Variants in TSPAN2 observed in about 807,000 individuals in gnomAD.
TSPAN2 encodes tetraspanin 2, also known as tetraspanin-2.
Under a neutral mutation model 33.3 loss-of-function variants are expected in TSPAN2, and 24 were observed. That is an observed-to-expected ratio of 0.72 (90% confidence interval 0.52 to 1.01). The LOEUF is 1.01. TSPAN2 is among the 50% of genes least tolerant of loss of function. TSPAN2 has a pLI of 0.00. For missense variants in TSPAN2, 278 were observed against 281.3 expected (o/e 0.99, Z 0.08); for synonymous variants, 114 against 104.5 (o/e 1.09, Z -0.56).
intron 5 of TSPAN2, among the ~76,000 whole-genome samples, chr1:115,057,851 C>A (rs958140590): frequency 6.6e-6 from 1 of 152,228 alleles, no homozygotes; most frequent in African/African-American, 2.4e-5. Context: ...GCAACCCAAA[C>A]AAGGCAAGAA....
At chr1:115,078,115 T>C (rs1459915155) in intron 1 of TSPAN2, among the ~76,000 whole-genome samples, 1 of 152,196 alleles carries the variant, frequency 6.6e-6, no homozygotes, top group Non-Finnish European at 1.5e-5. Flanking sequence ...CCTGTGGAGG[T>C]CTCTGTTCTT....
At chr1:115,052,309 C>A (rs541649616) in intron 7 of TSPAN2, among the ~76,000 whole-genome samples, 1 of 152,334 alleles carries the variant, frequency 6.6e-6, no homozygotes, top group East Asian at 1.9e-4. Flanking sequence ...GATTTCCTCA[C>A]AATTCCCACA....
At chr1:115,080,648 T>C (rs899168448) in intron 1 of TSPAN2, among the ~76,000 whole-genome samples, 2 of 152,232 alleles carry the variant, frequency 1.3e-5, no homozygotes, top group Admixed American at 6.5e-5. Context: ...AGGGAGCAGA[T>C]GGCTTTCTCA....
At chr1:115,070,575 G>C (rs764911167) in intron 2 of TSPAN2, among the ~76,000 whole-genome samples, 1 of 150,738 alleles carries the variant, frequency 6.6e-6, no homozygotes, top group Non-Finnish European at 1.5e-5. Flanking sequence ...TGCCCACCAT[G>C]CCCTAGTCCT....
At chr1:115,058,835 C>G (rs916983506) in intron 5 of TSPAN2, 48 bp downstream of exon 5, 2 of 1,453,314 alleles carry the variant, frequency 1.4e-6, no homozygotes, top group Non-Finnish European at 1.9e-6. Flanking sequence ...CTGGCTCACA[C>G]ATAATCTTTA....
chr1:115,054,945 C>G (rs1015723319), intron 6 of TSPAN2, among the ~76,000 whole-genome samples: 1 of 152,044 alleles, frequency 6.6e-6, no homozygotes, highest in Non-Finnish European at 1.5e-5. Flanking sequence ...CGAGATCATG[C>G]CACTACACTC....
intron 1 of TSPAN2, among the ~76,000 whole-genome samples, chr1:115,086,251 A>T (rs1266298146): frequency 6.6e-6 from 1 of 152,252 alleles, no homozygotes; most frequent in South Asian, 2.1e-4. Context: ...TTACTCCAAT[A>T]GCACAGATGA....
At position 115,053,407 on chromosome 1, in the gene TSPAN2, A is replaced by G; in HGVS notation, c.572T>C (p.Ile191Thr). ...CAGACCTGCAATTCCAATACCGACA[A>G]TTCCAATGAGCTGGAGCTTAACACT... is the stretch of plus-strand genomic sequence containing the variant. ...IISVKLQLIGIVGIGIAGLTI... is the reference protein window; with the variant it reads ...IISVKLQLIGTVGIGIAGLTI... The change falls in exon 7 of 8, where the codon ATT (isoleucine) becomes ACT (threonine). Residue 191 changes from isoleucine to threonine, a missense_variant. Ile to Thr is a moderately conservative substitution (Grantham distance 89). Coordinates refer to ENST00000369516, the MANE Select transcript of TSPAN2 (RefSeq NM_005725.6). 6.2e-7 allele frequency: 1 copy of G among 1,614,002 alleles called. No homozygotes were observed. Among genetic ancestry groups the G allele is most frequent in the Non-Finnish European group, 8.5e-7 (1 of 1,179,914 alleles).
chr1:115,083,981 T>A (rs1181182589), intron 1 of TSPAN2, among the ~76,000 whole-genome samples: 2 of 152,188 alleles, frequency 1.3e-5, no homozygotes, highest in Non-Finnish European at 2.9e-5. Flanking sequence ...CATCTTTGAA[T>A]TCCCAGCACT....
At chr1:115,067,919 T>G in intron 2 of TSPAN2, among the ~76,000 whole-genome samples, 1 of 152,212 alleles carries the variant, frequency 6.6e-6, no homozygotes, top group East Asian at 1.9e-4. Flanking sequence ...AGAGAGGGAC[T>G]GTAACAGGAA....
intron 1 of TSPAN2, among the ~76,000 whole-genome samples, chr1:115,088,645 A>G (rs1217506484): frequency 6.6e-6 from 1 of 152,176 alleles, no homozygotes; most frequent in Non-Finnish European, 1.5e-5. Flanking sequence ...AAGTTGAATG[A>G]GATCATCTCT....
chr1:115,084,856 G>A (rs1035642874), intron 1 of TSPAN2, among the ~76,000 whole-genome samples: 1 of 152,166 alleles, frequency 6.6e-6, no homozygotes, highest in African/African-American at 2.4e-5. Context: ...GCATCCCCAA[G>A]TGAAAACCCA....
At chr1:115,081,464 G>A (rs1436566290) in intron 1 of TSPAN2, among the ~76,000 whole-genome samples, 1 of 152,192 alleles carries the variant, frequency 6.6e-6, no homozygotes, top group Non-Finnish European at 1.5e-5. Flanking sequence ...CACCTCTTCT[G>A]GGTGTTCAGA....
chr1:115,067,717 C>T (rs371025427), intron 2 of TSPAN2, among the ~76,000 whole-genome samples: 11 of 152,186 alleles, frequency 7.2e-5, no homozygotes, highest in Non-Finnish European at 1.0e-4. Context: ...AGTCAGGCTG[C>T]GATCCTGGAG....
At chr1:115,066,987 T>G (rs1408760012) in intron 2 of TSPAN2, among the ~76,000 whole-genome samples, 1 of 152,192 alleles carries the variant, frequency 6.6e-6, no homozygotes, top group Non-Finnish European at 1.5e-5. Flanking sequence ...GGATGCTCGA[T>G]CTGTAATAAC....
At chr1:115,069,151 G>A (rs555352635) in intron 2 of TSPAN2, among the ~76,000 whole-genome samples, 2 of 152,356 alleles carry the variant, frequency 1.3e-5, no homozygotes, top group East Asian at 3.9e-4. Flanking sequence ...GACGAGGAAC[G>A]AAAGGTGGGT....
chr1:115,057,483 C>G (rs974232884), intron 6 of TSPAN2, 54 bp downstream of exon 6: 8 of 1,550,482 alleles, frequency 5.2e-6, no homozygotes, highest in Non-Finnish European at 7.1e-6. Flanking sequence ...CAATGGCTTC[C>G]TAAGCTAGCA....
chr1:115,074,444 A>T (rs1648316727), intron 1 of TSPAN2, among the ~76,000 whole-genome samples: 1 of 151,438 alleles, frequency 6.6e-6, no homozygotes, highest in African/African-American at 2.4e-5. Context: ...TACCAGCTGG[A>T]CTCTCCCTTG....
chr1:115,081,735 C>T (rs1648632277), intron 1 of TSPAN2, among the ~76,000 whole-genome samples: 1 of 152,198 alleles, frequency 6.6e-6, no homozygotes. Flanking sequence ...AAGTGCCTCA[C>T]ACTTTGTGCT....
Sources: gnomAD v4.1 joint callset for allele counts (sites outside exome capture counted in the v4.1 genomes callset) on GRCh38, gnomAD v4.1.1 for gene constraint, MANE v1.5 for transcripts, NCBI Gene and HGNC (gene_info 2026-07-23, HGNC 2026-07-21) for gene names.